Variants in POLR1C observed in about 807,000 individuals in gnomAD.
The protein encoded by POLR1C is RNA polymerase I and III subunit C, also known as DNA-directed RNA polymerases I and III subunit RPAC1.
In POLR1C, 42 loss-of-function variants were observed where a neutral mutation model predicts 38.3. The ratio of observed to expected loss-of-function variants is 1.10; its 90% CI spans 0.86 to 1.42. POLR1C has a LOEUF of 1.42. Ranked by LOEUF, POLR1C falls within the 40% of genes most tolerant of loss-of-function variation. The probability of loss-of-function intolerance (pLI) is 0.00; values close to 1 mark genes in which losing one functional copy is unlikely to be tolerated. For synonymous variants in POLR1C, 163 were observed against 163.9 expected (o/e 0.99, Z 0.04); for missense variants, 507 against 450.5 (o/e 1.13, Z -1.14).
intron 9 of POLR1C, chr6:43,546,831 G>T: frequency 6.5e-6 from 9 of 1,377,436 alleles, no homozygotes; most frequent in East Asian, 2.5e-5. Context: ...TATATTCAAG[G>T]TTCTGGCAAA....
downstream of POLR1C, chr6:43,525,003 G>A (rs895373701): frequency 1.9e-6 from 3 of 1,607,164 alleles, no homozygotes; most frequent in Non-Finnish European, 2.5e-6. Context: ...GCCACAGGGG[G>A]CCTCTCTCAA....
chr6:43,519,698 T>C lies in POLR1C; in HGVS notation c.250-8T>C. 1 of 1,614,174 alleles carries C rather than the reference T, an allele frequency of 6.2e-7. No individual in the cohort carries two copies. The highest frequency in any genetic ancestry group is 1.1e-5 in the South Asian group (1 of 91,082). On this transcript the variant is annotated splice_polypyrimidine_tract_variant and splice_region_variant and intron_variant, in intron 3 of 8. Transcript: ENST00000642195. ...TTTGCAGATAAGTGGTTATTTTTCC[T>C]TGGGCAGGTGCCAACTATGGCTGTG...
intron 6 of POLR1C, 87 bp downstream of exon 6, chr6:43,520,514 C>A: frequency 6.2e-7 from 1 of 1,601,198 alleles, no homozygotes; most frequent in Non-Finnish European, 8.5e-7. Context: ...GAGACATTCC[C>A]GGCAGGTAGA....
chr6:43,524,657 T>C, downstream of POLR1C: 1 of 1,610,060 alleles, frequency 6.2e-7, no homozygotes, highest in Non-Finnish European at 8.5e-7. Flanking sequence ...AGGGATAAAC[T>C]TACTGGATGT....
intron 2 of POLR1C, 79 bp from the exon 3 acceptor site, chr6:43,519,254 G>A: frequency 1.2e-6 from 1 of 858,036 alleles, no homozygotes; most frequent in Non-Finnish European, 2.0e-6. Flanking sequence ...ATACTTGAGG[G>A]AATTATCTAA....
chr6:43,562,119 A>G (rs367698956), exon 11 of POLR1C: 4 of 616,222 alleles, frequency 6.5e-6, no homozygotes, highest in Admixed American at 6.5e-5. Context: ...GAATCATGCA[A>G]TAACTTGTAT....
At chr6:43,548,869 T>C (rs1030192357) in intron 9 of POLR1C, among the ~76,000 whole-genome samples, 1 of 152,102 alleles carries the variant, frequency 6.6e-6, no homozygotes, top group Non-Finnish European at 1.5e-5. Flanking sequence ...GATTTGCATC[T>C]GCTTTTCTCA....
intron 3 of POLR1C, 49 bp from the exon 4 acceptor site, chr6:43,519,657 G>A (rs1793033685): frequency 6.2e-7 from 1 of 1,613,818 alleles, no homozygotes; most frequent in African/African-American, 1.3e-5. Context: ...GGGATAGGTA[G>A]GGGGTCTGTT....
chr6:43,530,960 C>T (rs1793936739), downstream of POLR1C: 10 of 1,121,686 alleles, frequency 8.9e-6, no homozygotes, highest in South Asian at 1.7e-5. Context: ...CTTAAGAGAA[C>T]TTATAGATAC....
At chr6:43,546,478 C>A in intron 9 of POLR1C, 2 of 1,255,744 alleles carry the variant, frequency 1.6e-6, no homozygotes, top group South Asian at 1.9e-5. Flanking sequence ...TCATTAATAC[C>A]ACTAAGATAT....
downstream of POLR1C, chr6:43,533,987 G>A: frequency 2.5e-6 from 4 of 1,603,618 alleles, no homozygotes; most frequent in Non-Finnish European, 3.4e-6. Context: ...CATTTCTGGT[G>A]CATATAATGT....
chr6:43,559,912 C>G (rs973649934), intron 10 of POLR1C, among the ~76,000 whole-genome samples: 1 of 152,148 alleles, frequency 6.6e-6, no homozygotes, highest in African/African-American at 2.4e-5. Context: ...ACTTCCCAAG[C>G]TCAGGTGATC....
In POLR1C at chr6:43,520,761, G is replaced by A. The variant is rs533051491; in HGVS notation, c.792G>A (p.Val264=). ...GCTTCTCACCTGGTGTTATTGAGGTGCAGGAAGTCCAAGGTATGGTATTTG... is the reference window on the plus strand; with the variant it reads ...GCTTCTCACCTGGTGTTATTGAGGTACAGGAAGTCCAAGGTATGGTATTTG... ...SRCFSPGVIE[V]QEVQGKKVAR... Residue 264 remains valine (V), a synonymous_variant, in exon 7 of 9, where the codon GTG becomes GTA. Transcript: ENST00000642195. 6.2e-7 allele frequency: 1 copy of A among 1,614,054 alleles called. No homozygotes were observed. The highest frequency in any genetic ancestry group is 1.7e-5 in the Admixed American group (1 of 60,020).
At chr6:43,525,001 G>A (rs756796027), downstream of POLR1C, 12 of 1,607,878 alleles carry the variant, frequency 7.5e-6, no homozygotes, top group East Asian at 2.7e-4. Context: ...GGGCCACAGG[G>A]GGCCTCTCTC....
exon 9 of POLR1C, chr6:43,529,489 G>C (rs1793821536): frequency 1.8e-5 from 5 of 273,924 alleles, no homozygotes; most frequent in South Asian, 1.6e-4. Context: ...GGGAGGCGAA[G>C]CTTGCAGTGA....
At chr6:43,554,666 C>A (rs1761947075) in intron 10 of POLR1C, among the ~76,000 whole-genome samples, 2 of 151,646 alleles carry the variant, frequency 1.3e-5, no homozygotes, top group Admixed American at 6.6e-5. Context: ...TCAGGTGATC[C>A]CCAGCCTCGG....
downstream of POLR1C, chr6:43,530,563 C>T (rs990717056): frequency 1.7e-5 from 20 of 1,175,690 alleles, no homozygotes; most frequent in East Asian, 4.2e-4. Flanking sequence ...ACATGATACA[C>T]TTAGATACAT....
chr6:43,536,781 A>AAACAAAC (rs1794354607), intron 9 of POLR1C, among the ~76,000 whole-genome samples: 1 of 150,212 alleles, frequency 6.7e-6, no homozygotes, highest in African/African-American at 2.4e-5. Flanking sequence ...AAAAAAAAAA[A>AAACAAAC]AAAAAAAAAG....
rs1302282350 is a variant in POLR1C at position 43,521,374 on chromosome 6, G to A, written c.*74G>A. ...ACCCTACAGGACTGCTGAACAGAGAGCCCAGTGTGACTAGGGATCCTGAGT... is the reference window on the plus strand; with the variant it reads ...ACCCTACAGGACTGCTGAACAGAGAACCCAGTGTGACTAGGGATCCTGAGT... On this transcript the variant is annotated 3_prime_UTR_variant, in exon 9 of 9. Coordinates refer to ENST00000642195, the MANE Select transcript of POLR1C (RefSeq NM_203290.4). 15 of 1,608,758 alleles carry A rather than the reference G, an allele frequency of 9.3e-6. No individual in the cohort carries two copies. Among genetic ancestry groups the A allele is most frequent in the South Asian group, 1.1e-5 (1 of 90,322 alleles).
Sources: allele counts gnomAD v4.1 joint callset (sites outside exome capture counted in the v4.1 genomes callset), GRCh38; gene constraint gnomAD v4.1.1; transcripts MANE v1.5; gene names NCBI Gene and HGNC (gene_info 2026-07-23, HGNC 2026-07-21).